HMCN1: variants seen among roughly 807,000 people sequenced by gnomAD.
HMCN1 encodes hemicentin-1.
In HMCN1, 321 loss-of-function variants were observed where a neutral mutation model predicts 625.9. That is an observed-to-expected ratio of 0.51 (90% confidence interval 0.47 to 0.56). The LOEUF (loss-of-function observed/expected upper bound fraction) is 0.56. Ranked by LOEUF, HMCN1 falls within the 20% of genes least tolerant of loss-of-function variation. The pLI is 0.00. For synonymous variants in HMCN1, 2,425 were observed against 2,417.6 expected, an observed-to-expected ratio of 1.00 and a Z score of -0.09; for missense variants, 6,588 against 6,887.3, an observed-to-expected ratio of 0.96 and a Z score of 1.54.
At chr1:185,749,707 C>G (rs1557939970) in intron 1 of HMCN1, among the ~76,000 whole-genome samples, 1 of 152,188 alleles carries the variant, frequency 6.6e-6, no homozygotes, top group Non-Finnish European at 1.5e-5. Context: ...ACAGGTACTC[C>G]TCTAGCCTGA....
rs76254986 is a variant in HMCN1, at chr1:186,085,978, C to T, written c.8885-268C>T. On this transcript the variant is annotated intron_variant, in intron 57 of 106. Transcript: ENST00000271588. ...GGTCTCCTTTGTACATTGACAAAAT[C>T]GTCTTAGGAATTGTCGACTATGTTT... 3.4e-3 allele frequency among the ~76,000 whole-genome samples: 524 copies of T among 152,204 alleles called. 6 individuals carry two copies. The highest frequency in any genetic ancestry group is 0.012 in the African/African-American group (490 of 41,544).
rs532702682 is a variant in HMCN1, at chr1:185,995,095, T to A, written c.3778+8T>A. ...TAACGCTACATGTCCAAGGTGATTC[T>A]TGACACAGGAAAATATATGTATGTA... On this transcript the variant is annotated splice_region_variant and intron_variant, in intron 24 of 106. Coordinates refer to ENST00000271588, the MANE Select transcript of HMCN1 (RefSeq NM_031935.3). 3.1e-6 allele frequency: 5 copies of A among 1,612,992 alleles called. No homozygotes were observed. Among genetic ancestry groups the A allele is most frequent in the Non-Finnish European group, 4.2e-6 (5 of 1,179,234 alleles).
intron 63 of HMCN1, 57 bp from the exon 64 acceptor site, chr1:186,090,701 A>T: frequency 6.3e-7 from 1 of 1,582,098 alleles, no homozygotes; most frequent in Non-Finnish European, 8.7e-7. Context: ...TGACTCTGTT[A>T]CATTAGAATT....
intron 1 of HMCN1, among the ~76,000 whole-genome samples, chr1:185,834,155 T>A (rs974006335): frequency 6.6e-6 from 1 of 152,212 alleles, no homozygotes; most frequent in African/African-American, 2.4e-5. Context: ...TAGTTTATAA[T>A]CTAGTTTGGG....
rs1335625030 is a variant in HMCN1 at position 186,123,148 on chromosome 1, G to A, written c.12427G>A (p.Ala4143Thr). ...LQIAFVQPGD[A>T]GHYTCMAANV... ...AATAGCATTTGTCCAGCCTGGTGAT[G>A]CTGGCCATTACACGTGCATGGCAGC... is the stretch of plus-strand genomic sequence containing the variant. The change falls in exon 81 of 107, where the codon GCT becomes ACT. Residue 4143 changes from alanine (A) to threonine (T), a missense_variant. Around this residue, in one of 3 missense-constraint regions of HMCN1, gnomAD observed 1,954 missense variants for 2,013.1 expected, o/e 0.97. Coordinates refer to ENST00000271588, the MANE Select transcript of HMCN1 (RefSeq NM_031935.3). 6.2e-7 allele frequency: 1 copy of A among 1,614,020 alleles called. No individual in the cohort carries two copies. Among genetic ancestry groups the A allele is most frequent in the Non-Finnish European group, 8.5e-7 (1 of 1,179,972 alleles).
intron 1 of HMCN1, among the ~76,000 whole-genome samples, chr1:185,790,031 T>G (rs1318727715): frequency 6.6e-6 from 1 of 152,212 alleles, no homozygotes; most frequent in African/African-American, 2.4e-5. Context: ...CAATCAGTCT[T>G]GGCTGTCACT....
chr1:185,977,723 G>A, intron 15 of HMCN1, 64 bp from the exon 16 acceptor site: 1 of 1,001,952 alleles, frequency 1.0e-6, no homozygotes, highest in East Asian at 2.4e-5. Flanking sequence ...TAATATTTAA[G>A]TTTATGTTTA....
At chr1:186,163,242 T>A (rs58164914) in intron 97 of HMCN1, among the ~76,000 whole-genome samples, 1 of 152,212 alleles carries the variant, frequency 6.6e-6, no homozygotes, top group African/African-American at 2.4e-5. Flanking sequence ...TGGTGCGCCA[T>A]TTTTTAAGCC....
intron 106 of HMCN1, 32 bp from the exon 107 acceptor site, chr1:186,189,479 AC>A: frequency 6.2e-7 from 1 of 1,610,634 alleles, no homozygotes; most frequent in Non-Finnish European, 8.5e-7. Context: ...CTTCCAGATA[AC>A]TATGTGTATT....
At chr1:185,889,910 G>A (rs1664939369) in intron 4 of HMCN1, among the ~76,000 whole-genome samples, 1 of 147,882 alleles carries the variant, frequency 6.8e-6, no homozygotes, top group Admixed American at 6.6e-5. Context: ...TGTACCTCTG[G>A]TAGAATTCGG....
chr1:186,078,273 G>A, intron 55 of HMCN1, 53 bp downstream of exon 55: 1 of 1,289,312 alleles, frequency 7.8e-7, no homozygotes. Flanking sequence ...GTATTTTTGA[G>A]GAACTAATGT....
chr1:186,047,413 C>T (rs1229378361), intron 41 of HMCN1, among the ~76,000 whole-genome samples: 2 of 152,088 alleles, frequency 1.3e-5, no homozygotes, highest in African/African-American at 2.4e-5. Flanking sequence ...TACAGAAGTT[C>T]GTCACGTTGA....
In HMCN1 at chr1:186,074,869, G is replaced by T; in HGVS notation, c.8268G>T (p.Leu2756Phe). The change falls in exon 53 of 107, where the codon TTG (leucine) becomes TTT (phenylalanine). Residue 2756 changes from leucine (L) to phenylalanine (F), a missense_variant. Leu to Phe is a conservative substitution (Grantham distance 22). Coordinates refer to ENST00000271588, the MANE Select transcript of HMCN1 (RefSeq NM_031935.3). The part of the protein sequence containing the change: ...VASNIAGEDE[L>F]DFDVNIQVPP... ...CTAACATTGCAGGTGAAGATGAGTT[G>T]GATTTTGATGTGAATATTCAAGGTA... 3.1e-6 allele frequency: 5 copies of T among 1,612,372 alleles called. No individual in the cohort carries two copies. Among genetic ancestry groups the T allele is most frequent in the Non-Finnish European group, 2.5e-6 (3 of 1,178,788 alleles).
intron 70 of HMCN1, among the ~76,000 whole-genome samples, chr1:186,108,035 TAAAAAAAAAAAAA>T (rs559777006): frequency 1.0e-5 from 1 of 98,310 alleles, no homozygotes; most frequent in African/African-American, 4.0e-5. Flanking sequence ...GTAAATTCTG[TAAAAAAAAAAAAA>T]AAAAAAAAAA....
chr1:185,818,861 TG>T lies in HMCN1; in HGVS notation c.269-27162del, dbSNP rs1660001091. 1.3e-5 allele frequency among the ~76,000 whole-genome samples: 2 copies of T among 152,140 alleles called. 1 individual carries two copies. Among genetic ancestry groups the T allele is most frequent in the Non-Finnish European group, 2.9e-5 (2 of 68,028 alleles). On this transcript the variant is annotated intron_variant, in intron 1 of 106. Coordinates refer to ENST00000271588, the MANE Select transcript of HMCN1 (RefSeq NM_031935.3). ...TTATAAATTTTTATAAACTTTCACT[TG>T]GGCTAAAATTTTTATCTCCTTGAAC...
At chr1:185,801,013 G>A (rs962101833) in intron 1 of HMCN1, among the ~76,000 whole-genome samples, 2 of 152,030 alleles carry the variant, frequency 1.3e-5, no homozygotes, top group African/African-American at 2.4e-5. Context: ...GAGATGTTTT[G>A]GATACATCTA....
intron 16 of HMCN1, 65 bp downstream of exon 16, chr1:185,978,046 C>A: frequency 8.8e-7 from 1 of 1,136,520 alleles, no homozygotes; most frequent in Non-Finnish European, 1.3e-6. Flanking sequence ...ATGTTTTATA[C>A]ATAGGTATTG....
At chr1:185,971,365 A>T (rs924405403) in intron 15 of HMCN1, among the ~76,000 whole-genome samples, 63 of 152,250 alleles carry the variant, frequency 4.1e-4, no homozygotes, top group African/African-American at 1.5e-3. Flanking sequence ...AACCATATGT[A>T]GGTTACTCAA....
chr1:186,172,055 GA>G lies in HMCN1; in HGVS notation c.15740del (p.Asn5247ThrfsTer16). 6.2e-7 allele frequency: 1 copy of G among 1,613,820 alleles called. No individual in the cohort carries two copies. Among genetic ancestry groups the G allele is most frequent in the Non-Finnish European group, 8.5e-7 (1 of 1,179,768 alleles). On this transcript the variant is annotated frameshift_variant, in exon 102 of 107. Transcript: ENST00000271588. LOFTEE classifies it high-confidence loss of function. ...TATGCAGACCAGATCAGCACTGTAAGAACACCCGTGGTGGCTATAAGTGCAT... is the reference window on the plus strand; with the variant it reads ...TATGCAGACCAGATCAGCACTGTAAGACACCCGTGGTGGCTATAAGTGCAT... ...NVCRPDQHCK[N>X]TRGGYKCIDL...
Sources: allele counts gnomAD v4.1 joint callset (sites outside exome capture counted in the v4.1 genomes callset), GRCh38; gene constraint gnomAD v4.1.1; regional missense constraint gnomAD v4.1.1; transcripts MANE v1.5; gene names NCBI Gene and HGNC (gene_info 2026-07-23, HGNC 2026-07-21).